Variants in STRN4 observed in about 807,000 individuals in gnomAD.
STRN4 encodes the protein striatin-4.
Under a neutral mutation model 77.9 loss-of-function variants are expected in STRN4, and 27 were observed. The ratio of observed to expected loss-of-function variants is 0.35; its 90% CI spans 0.26 to 0.48. The LOEUF (loss-of-function observed/expected upper bound fraction) is 0.48, where lower values mean the gene tolerates loss of function less well. STRN4 is among the 20% of genes least tolerant of loss of function. The probability of loss-of-function intolerance (pLI) is 0.99; values close to 1 mark genes in which losing one functional copy is unlikely to be tolerated. For synonymous variants in STRN4, 466 were observed against 443.1 expected (o/e 1.05, Z -0.65); for missense variants, 798 against 1,049.7 (o/e 0.76, Z 3.31).
chr19:46,743,400 T>G (rs2054507872), intron 1 of STRN4, among the ~76,000 whole-genome samples: 1 of 152,214 alleles, frequency 6.6e-6, no homozygotes, highest in Non-Finnish European at 1.5e-5. Flanking sequence ...AGTGAGGGGA[T>G]AAACATCTTT....
At chr19:46,722,611 C>G (rs1191363473) in intron 14 of STRN4, among the ~76,000 whole-genome samples, 199 bp downstream of exon 14, 1 of 152,250 alleles carries the variant, frequency 6.6e-6, no homozygotes, top group Non-Finnish European at 1.5e-5. Flanking sequence ...CTGACGCGCT[C>G]TCCCCACTCA....
chr19:46,734,533 T>A (rs946426119), intron 4 of STRN4, among the ~76,000 whole-genome samples: 1 of 152,176 alleles, frequency 6.6e-6, no homozygotes, highest in Admixed American at 6.5e-5. Flanking sequence ...GAACTGACCA[T>A]GGAGAGTTAT....
intron 3 of STRN4, among the ~76,000 whole-genome samples, chr19:46,737,565 C>A (rs2054392396): frequency 6.8e-6 from 1 of 147,936 alleles, no homozygotes. Flanking sequence ...CTGCCCTACA[C>A]TGTTTGCCCA....
chr19:46,725,011 ATTC>A, intron 11 of STRN4, 83 bp from the exon 12 acceptor site: 1 of 1,587,874 alleles, frequency 6.3e-7, no homozygotes, highest in Non-Finnish European at 8.6e-7. Flanking sequence ...CCCTACTAGC[ATTC>A]TTCAAGGATG....
intron 5 of STRN4, chr19:46,732,041 A>T (rs1415558564): frequency 6.6e-6 from 1 of 152,172 alleles, no homozygotes; most frequent in African/African-American, 2.4e-5. Flanking sequence ...TCCCCGTCTC[A>T]GGGGATGCTG....
At chr19:46,746,038 C>CCCCG in intron 1 of STRN4, 111 bp downstream of exon 1, 4 of 1,198,388 alleles carry the variant, frequency 3.3e-6, no homozygotes, top group Non-Finnish European at 4.2e-6. Flanking sequence ...CCCGCCCCCC[C>CCCCG]GCCGGCCGTC....
chr19:46,720,861 C>T (rs1437432432), intron 16 of STRN4, 90 bp from the exon 17 acceptor site: 1 of 1,407,360 alleles, frequency 7.1e-7, no homozygotes, highest in African/African-American at 1.5e-5. Context: ...TGTCCAAAGG[C>T]CTCAGGGGAA....
Position 46,723,418 on chromosome 19 carries a change from C to T in STRN4, c.1595-134G>A. 1.8e-6 allele frequency: 2 copies of T among 1,140,934 alleles called. No homozygotes were observed. Among genetic ancestry groups the T allele is most frequent in the Non-Finnish European group, 2.4e-6 (2 of 828,922 alleles). 70.7% of individuals were successfully genotyped at this position (1,140,934 alleles called of 1,614,324 possible). The stretch of plus-strand genomic sequence containing the variant: ...CCACGCACCCACTTCACACCTGGTG[C>T]CCCTCGGAACTGTCCACTGCCAGGA... On this transcript the variant is annotated intron_variant, in intron 12 of 17. Transcript: ENST00000263280. This position sits in a 1 kb window ranked among gnomAD's most constrained non-coding sequence, Gnocchi z 5.5.
At chr19:46,728,973 A>C in intron 6 of STRN4, 196 bp from the exon 7 acceptor site, 1 of 626,366 alleles carries the variant, frequency 1.6e-6, no homozygotes, top group Non-Finnish European at 2.6e-6. Context: ...GGTCGGCCTG[A>C]CCCCACCCTC....
intron 3 of STRN4, 116 bp from the exon 4 acceptor site, chr19:46,737,017 C>T (rs1267491194): frequency 9.8e-6 from 9 of 918,336 alleles, no homozygotes; most frequent in Non-Finnish European, 6.7e-6. Context: ...GGTCCTGTGG[C>T]ATCACTTCCT....
In STRN4 at chr19:46,738,131, G is replaced by A. The variant is rs1418449008; in HGVS notation, c.460+33C>T. The A allele has an allele frequency of 6.2e-7, 1 of 1,604,766 alleles. No individual in the cohort carries two copies. The highest frequency in any genetic ancestry group is 2.2e-5 in the East Asian group (1 of 44,852). ...CAGAACACTCAGCTTCTGCGGGAGGGTGCCGACAGTGCGAGCATCAGAGGG... is the reference window on the plus strand; with the variant it reads ...CAGAACACTCAGCTTCTGCGGGAGGATGCCGACAGTGCGAGCATCAGAGGG... On this transcript the variant is annotated intron_variant, in intron 3 of 17. Coordinates refer to ENST00000263280, the MANE Select transcript of STRN4 (RefSeq NM_013403.3). The surrounding 1 kb of genome is among the most constrained non-coding windows in gnomAD (Gnocchi z 4.5).
chr19:46,725,403 A>T (rs2054086459), intron 10 of STRN4, 24 bp from the exon 11 acceptor site: 19 of 1,613,870 alleles, frequency 1.2e-5, no homozygotes, highest in Non-Finnish European at 1.6e-5. Flanking sequence ...GAGGAGCCTG[A>T]TGTCACTGAG....
intron 11 of STRN4, 123 bp downstream of exon 11, chr19:46,725,209 G>T: frequency 7.4e-7 from 1 of 1,346,570 alleles, no homozygotes; most frequent in Admixed American, 1.8e-5. Flanking sequence ...TGAAGGGGGC[G>T]GGGACTCAGA....
Position 46,723,178 on chromosome 19 carries a change from G to A in STRN4, c.1701C>T (p.Thr567=), listed in dbSNP as rs750243248. 1.1e-5 allele frequency: 17 copies of A among 1,562,494 alleles called. No homozygotes were observed. Among genetic ancestry groups the A allele is most frequent in the African/African-American group, 2.7e-5 (2 of 73,374 alleles). Residue 567 remains threonine (T), a synonymous_variant, in exon 13 of 18, where the codon ACC becomes ACT. Coordinates refer to ENST00000263280, the MANE Select transcript of STRN4 (RefSeq NM_013403.3). The surrounding 1 kb of genome is among the most constrained non-coding windows in gnomAD (Gnocchi z 5.5). ...QRLASCSADG[T]VRIWDPSSSS... The stretch of plus-strand genomic sequence containing the variant: ...TGCTGCTGGGGTCCCAGATGCGGAC[G>A]GTGCCATCAGCAGAACAGGAGGCCA...
intron 1 of STRN4, among the ~76,000 whole-genome samples, chr19:46,744,226 C>T (rs942258415): frequency 6.6e-6 from 1 of 152,144 alleles, no homozygotes; most frequent in Non-Finnish European, 1.5e-5. Flanking sequence ...TTGTGAAGAT[C>T]TGATGAGATG....
At chr19:46,726,713 C>A (rs917268252) in intron 9 of STRN4, among the ~76,000 whole-genome samples, 6 of 152,174 alleles carry the variant, frequency 3.9e-5, no homozygotes, top group Admixed American at 3.9e-4. Context: ...GAGTACCAGG[C>A]AAGCCTCAGC....
Position 46,741,637 on chromosome 19 carries a change from C to T in STRN4, c.283-2749G>A, listed in dbSNP as rs534507223. On this transcript the variant is annotated intron_variant, in intron 1 of 17. Coordinates refer to ENST00000263280, the MANE Select transcript of STRN4 (RefSeq NM_013403.3). This position sits in a 1 kb window ranked among gnomAD's most constrained non-coding sequence, Gnocchi z 4.9. The stretch of plus-strand genomic sequence containing the variant: ...CCATATCCACCCACTGCCACTCCCT[C>T]TAGCCAGAGCCGCAGAGCATGCGCT... Among the ~76,000 whole-genome samples the T allele has an allele frequency of 4.6e-5, 7 of 152,326 alleles. No homozygotes were observed. Among genetic ancestry groups the T allele is most frequent in the South Asian group, 2.1e-4 (1 of 4,830 alleles).
In STRN4 at chr19:46,727,961, A is replaced by G; in HGVS notation, c.1086T>C (p.Asp362=). The G allele has an allele frequency of 3.1e-6, 5 of 1,613,942 alleles. No individual in the cohort carries two copies. The South Asian group carries it at 4.4e-5, about 14-fold the overall frequency. ...TCACTTTTGGGGGCAGCCCATCCACATCCCGCAGGTCAGCCAGAATGCCTT... is the reference window on the plus strand; with the variant it reads ...TCACTTTTGGGGGCAGCCCATCCACGTCCCGCAGGTCAGCCAGAATGCCTT... The part of the protein sequence containing the change: ...KLQGILADLR[D]VDGLPPKVTG... Residue 362 remains aspartate (D), a synonymous_variant, in exon 8 of 18, where the codon GAT becomes GAC. Coordinates refer to ENST00000263280, the MANE Select transcript of STRN4 (RefSeq NM_013403.3).
rs2054031822 is a variant in STRN4, at chr19:46,723,511, G to A, written c.1595-227C>T. The stretch of plus-strand genomic sequence containing the variant: ...AGGTTCTAGGGCTCCAGAAGGCAGG[G>A]ATTTCCCTCTATTCACAGCTGTCTC... On this transcript the variant is annotated intron_variant, in intron 12 of 17. Transcript: ENST00000263280. This position sits in a 1 kb window ranked among gnomAD's most constrained non-coding sequence, Gnocchi z 5.5. Among the ~76,000 whole-genome samples the A allele has an allele frequency of 6.6e-6, 1 of 152,162 alleles. No homozygotes were observed. Among genetic ancestry groups the A allele is most frequent in the African/African-American group, 2.4e-5 (1 of 41,434 alleles).
Sources: gnomAD v4.1 joint callset for allele counts (sites outside exome capture counted in the v4.1 genomes callset) on GRCh38, gnomAD v4.1.1 for gene constraint, Gnocchi (gnomAD v3.1) non-coding constraint, MANE v1.5 for transcripts, NCBI Gene and HGNC (gene_info 2026-07-23, HGNC 2026-07-21) for gene names.